The following ST6GALNAC3 variants were observed in gnomAD, a reference collection of about 807,000 sequenced individuals.
ST6GALNAC3 encodes the protein alpha-N-acetylgalactosaminide alpha-2,6-sialyltransferase 3.
A neutral mutation model predicts 32.7 loss-of-function variants in ST6GALNAC3; 25 were observed. The observed-to-expected ratio is 0.76, with a 90% CI of 0.56 to 1.07. The LOEUF is 1.07. Ranked by LOEUF, ST6GALNAC3 falls within the 50% of genes least tolerant of loss-of-function variation. The probability of loss-of-function intolerance (pLI) is 0.00; values close to 1 mark genes in which losing one functional copy is unlikely to be tolerated. For synonymous variants in ST6GALNAC3, 129 were observed against 133.1 expected, an observed-to-expected ratio of 0.97 and a Z score of 0.21; for missense variants, 355 against 382.4, an observed-to-expected ratio of 0.93 and a Z score of 0.60.
chr1:76,142,912 G>A (rs527761748), intron 1 of ST6GALNAC3: 6 of 452,850 alleles, frequency 1.3e-5, no homozygotes, highest in South Asian at 9.4e-5. Flanking sequence ...GATTAGATCT[G>A]GGCACACCGT....
rs192238863 is a variant in ST6GALNAC3, at chr1:76,633,171, G to C, written c.*4365G>C. 2 of 152,128 alleles carry C rather than the reference G, an allele frequency of 1.3e-5. No homozygotes were observed. Among genetic ancestry groups the C allele is most frequent in the Non-Finnish European group, 2.9e-5 (2 of 68,006 alleles). 9.4% of individuals were successfully genotyped at this position (152,128 alleles called of 1,614,324 possible). A position where few individuals can be genotyped will look rare whatever the true frequency, so the allele number is the denominator to read the frequency against. ...TATAAACTGGACTAATGGCAGTACT[G>C]AGACTCAAATTCTTGTCTCATGTTT... On this transcript the variant is annotated 3_prime_UTR_variant, in exon 5 of 5. Coordinates refer to ENST00000328299, the MANE Select transcript of ST6GALNAC3 (RefSeq NM_152996.4).
rs561235095 is a variant in ST6GALNAC3 at position 76,489,709 on chromosome 1, C to A, written c.623+77292C>A. 2.0e-5 allele frequency among the ~76,000 whole-genome samples: 3 copies of A among 152,226 alleles called. No individual in the cohort carries two copies. In the South Asian group the frequency reaches 6.2e-4, roughly 32 times the overall value. On this transcript the variant is annotated intron_variant, in intron 3 of 4. Transcript: ENST00000328299. Reference sequence around the variant, plus strand: ...AAGGAGGGGTCACGGGACTTAGGTGCGTTCTCCGCCCTCTCCATGCTGACC... The same window carrying A: ...AAGGAGGGGTCACGGGACTTAGGTGAGTTCTCCGCCCTCTCCATGCTGACC...
At chr1:76,284,797 G>A (rs977604600) in intron 1 of ST6GALNAC3, among the ~76,000 whole-genome samples, 11 of 152,046 alleles carry the variant, frequency 7.2e-5, no homozygotes, top group African/African-American at 2.7e-4. Flanking sequence ...ACAAGCAAAG[G>A]TGATCAAATC....
chr1:76,385,568 G>T (rs1473615335), intron 2 of ST6GALNAC3, among the ~76,000 whole-genome samples: 1 of 152,050 alleles, frequency 6.6e-6, no homozygotes, highest in Non-Finnish European at 1.5e-5. Flanking sequence ...AATATAATTA[G>T]TTACAACAGT....
chr1:76,475,874 G>T (rs544410005), intron 3 of ST6GALNAC3, among the ~76,000 whole-genome samples: 1 of 151,940 alleles, frequency 6.6e-6, no homozygotes, highest in African/African-American at 2.4e-5. Flanking sequence ...GACAGGCCCC[G>T]CTGTGTGATG....
At chr1:76,091,003 C>T (rs1477379005) in intron 1 of ST6GALNAC3, among the ~76,000 whole-genome samples, 1 of 152,120 alleles carries the variant, frequency 6.6e-6, no homozygotes, top group Non-Finnish European at 1.5e-5. Flanking sequence ...TTATGACAGC[C>T]TTGCAATTGC....
chr1:76,174,228 A>T (rs907299557), intron 1 of ST6GALNAC3, among the ~76,000 whole-genome samples: 1 of 152,214 alleles, frequency 6.6e-6, no homozygotes, highest in African/African-American at 2.4e-5. Flanking sequence ...CAGAAAATCA[A>T]ATACCACATG....
At chr1:76,292,398 G>A (rs993347565) in intron 1 of ST6GALNAC3, among the ~76,000 whole-genome samples, 4 of 152,194 alleles carry the variant, frequency 2.6e-5, no homozygotes, top group Admixed American at 6.5e-5. Context: ...GCAGTCCTTC[G>A]CAGAGCAGTG....
At chr1:76,094,335 TAAG>T in intron 1 of ST6GALNAC3, among the ~76,000 whole-genome samples, 1 of 152,298 alleles carries the variant, frequency 6.6e-6, no homozygotes, top group South Asian at 2.1e-4. Context: ...TGTGCTAAGT[TAAG>T]GAGTGTGGAT....
intron 1 of ST6GALNAC3, among the ~76,000 whole-genome samples, chr1:76,097,467 A>G (rs920002642): frequency 2.0e-5 from 3 of 152,124 alleles, no homozygotes; most frequent in African/African-American, 4.8e-5. Context: ...TGCCATGTGA[A>G]GAAGGACATG....
intron 1 of ST6GALNAC3, among the ~76,000 whole-genome samples, chr1:76,104,528 A>T (rs576757791): frequency 6.6e-6 from 1 of 151,736 alleles, no homozygotes; most frequent in East Asian, 1.9e-4. Context: ...TGGCTCCTCA[A>T]TATGTCGTTA....
intron 1 of ST6GALNAC3, among the ~76,000 whole-genome samples, chr1:76,198,522 G>A (rs985027553): frequency 8.5e-5 from 13 of 152,322 alleles, no homozygotes; most frequent in African/African-American, 3.1e-4. Flanking sequence ...TAAAGAAGTG[G>A]CTGTAGGAAT....
intron 1 of ST6GALNAC3, among the ~76,000 whole-genome samples, chr1:76,232,387 C>A (rs559362126): frequency 1.3e-5 from 2 of 152,262 alleles, no homozygotes; most frequent in East Asian, 1.9e-4. Context: ...CCACTCACCC[C>A]ACTCCAGGGC....
chr1:76,551,277 T>C (rs141406369), intron 3 of ST6GALNAC3, among the ~76,000 whole-genome samples: 28 of 152,308 alleles, frequency 1.8e-4, no homozygotes, highest in African/African-American at 6.3e-4. Context: ...ACAAAGTTGA[T>C]TGAAAACACA....
chr1:76,272,011 CAG>C (rs1658871106), intron 1 of ST6GALNAC3, among the ~76,000 whole-genome samples: 1 of 151,920 alleles, frequency 6.6e-6, no homozygotes, highest in African/African-American at 2.4e-5. Flanking sequence ...CTCTTAGAAA[CAG>C]GGTGCATTGT....
intron 3 of ST6GALNAC3, among the ~76,000 whole-genome samples, chr1:76,443,870 C>T (rs1428295359): frequency 1.3e-5 from 2 of 152,226 alleles, no homozygotes; most frequent in Non-Finnish European, 2.9e-5. Flanking sequence ...CACATAAATA[C>T]TGTTTACTTT....
chr1:76,463,254 C>G (rs1658404722), intron 3 of ST6GALNAC3, among the ~76,000 whole-genome samples: 1 of 152,096 alleles, frequency 6.6e-6, no homozygotes, highest in South Asian at 2.1e-4. Flanking sequence ...ACCTAAAAGT[C>G]CCGCTGCTTT....
Position 76,614,718 on chromosome 1 carries a change from C to CAAAAAAAAAAAAAAAAAAA in ST6GALNAC3, c.624-12716_624-12698dup, listed in dbSNP as rs55744575. 3.0e-5 allele frequency among the ~76,000 whole-genome samples: 2 copies of CAAAAAAAAAAAAAAAAAAA among 67,534 alleles called. 1 individual carries two copies. The highest frequency in any genetic ancestry group is 1.4e-4 in the African/African-American group (2 of 14,668). The allele number at this position is 67,534 out of a possible 152,430, so 44.3% of individuals were successfully genotyped here. On this transcript the variant is annotated intron_variant, in intron 3 of 4. Coordinates refer to ENST00000328299, the MANE Select transcript of ST6GALNAC3 (RefSeq NM_152996.4). ...TGGGTGACAGAGCGAGACTCCATCT[C>CAAAAAAAAAAAAAAAAAAA]AAAAAAAAAAAAAAAAAAAAAAAAA...
At chr1:76,322,904 G>A (rs893060489) in intron 2 of ST6GALNAC3, among the ~76,000 whole-genome samples, 15 of 152,014 alleles carry the variant, frequency 9.9e-5, no homozygotes, top group Non-Finnish European at 7.4e-5. Context: ...TCAGTGGCAC[G>A]ATCTCGGCTC....
Sources: gnomAD v4.1 joint callset for allele counts (sites outside exome capture counted in the v4.1 genomes callset) on GRCh38, gnomAD v4.1.1 for gene constraint, MANE v1.5 for transcripts, NCBI Gene and HGNC (gene_info 2026-07-23, HGNC 2026-07-21) for gene names.